CDH12: variants seen among roughly 807,000 people sequenced by gnomAD.
CDH12 encodes cadherin 12.
CDH12 carries 41 observed loss-of-function variants against 74.1 expected under a neutral mutation model. That is an observed-to-expected ratio of 0.55 (90% CI 0.43 to 0.72). The LOEUF (loss-of-function observed/expected upper bound fraction) is 0.72, where lower values mean the gene tolerates loss of function less well. Ranked by LOEUF, CDH12 falls within the 30% of genes least tolerant of loss-of-function variation. CDH12 has a pLI of 0.00. For synonymous variants in CDH12, 399 were observed against 355.0 expected (o/e 1.12, Z -1.39); for missense variants, 945 against 977.2 (o/e 0.97, Z 0.44).
At chr5:21,933,488 T>C (rs1754937361) in intron 6 of CDH12, among the ~76,000 whole-genome samples, 1 of 152,188 alleles carries the variant, frequency 6.6e-6, no homozygotes, top group Non-Finnish European at 1.5e-5. Flanking sequence ...AAATATTAAC[T>C]TGGGCATATC....
chr5:21,924,997 A>G (rs1254897831), intron 6 of CDH12, among the ~76,000 whole-genome samples: 1 of 152,234 alleles, frequency 6.6e-6, no homozygotes, highest in Non-Finnish European at 1.5e-5. Context: ...TCCAGAATTC[A>G]GATATCATTT....
At chr5:22,350,130 C>G (rs902827545) in intron 3 of CDH12, among the ~76,000 whole-genome samples, 2 of 151,980 alleles carry the variant, frequency 1.3e-5, no homozygotes, top group African/African-American at 4.8e-5. Flanking sequence ...TTAGTAACGA[C>G]TAAGAAAAAA....
chr5:22,206,641 G>A (rs1751232322), intron 4 of CDH12, among the ~76,000 whole-genome samples: 2 of 135,214 alleles, frequency 1.5e-5, no homozygotes, highest in South Asian at 4.7e-4. Context: ...CAAAATATAA[G>A]GTGTGGCTTG....
At chr5:22,235,839 T>A (rs1367127609) in intron 3 of CDH12, among the ~76,000 whole-genome samples, 1 of 152,168 alleles carries the variant, frequency 6.6e-6, no homozygotes, top group Non-Finnish European at 1.5e-5. Flanking sequence ...TTAGGCAATT[T>A]CTTCATTGGG....
chr5:22,444,467 A>G (rs1398610201), intron 2 of CDH12, among the ~76,000 whole-genome samples: 2 of 152,010 alleles, frequency 1.3e-5, no homozygotes, highest in Non-Finnish European at 2.9e-5. Context: ...TGAAAAGGCA[A>G]CTTGCCATCC....
chr5:22,402,278 A>G (rs544465708), intron 3 of CDH12, among the ~76,000 whole-genome samples: 1 of 152,342 alleles, frequency 6.6e-6, no homozygotes, highest in African/African-American at 2.4e-5. Context: ...GAAGTGAAGA[A>G]CACTGTAGAG....
At chr5:22,485,288 C>T (rs1016559723) in intron 2 of CDH12, among the ~76,000 whole-genome samples, 13 of 152,036 alleles carry the variant, frequency 8.6e-5, no homozygotes, top group African/African-American at 2.9e-4. Context: ...CTCAAGTGAT[C>T]CTCCCATCTC....
intron 3 of CDH12, among the ~76,000 whole-genome samples, chr5:22,384,020 G>C (rs1484545983): frequency 6.6e-6 from 1 of 151,954 alleles, no homozygotes; most frequent in East Asian, 1.9e-4. Context: ...TGTTAAATGG[G>C]TTTTGCTAGA....
At chr5:22,416,244 T>G (rs941619208) in intron 2 of CDH12, among the ~76,000 whole-genome samples, 4 of 150,698 alleles carry the variant, frequency 2.7e-5, no homozygotes, top group African/African-American at 7.3e-5. Context: ...CCGGCTAATT[T>G]TTTTGTATTT....
chr5:22,722,749 TG>T (rs1743965021), intron 1 of CDH12, among the ~76,000 whole-genome samples: 1 of 152,208 alleles, frequency 6.6e-6, no homozygotes, highest in African/African-American at 2.4e-5. Flanking sequence ...GGAAATTGTG[TG>T]TGCTTGCATA....
chr5:22,305,218 G>A (rs1738053826), intron 3 of CDH12, among the ~76,000 whole-genome samples: 1 of 152,080 alleles, frequency 6.6e-6, no homozygotes, highest in African/African-American at 2.4e-5. Flanking sequence ...TCCATCTGCA[G>A]GAGATAATCA....
intron 1 of CDH12, among the ~76,000 whole-genome samples, chr5:22,747,886 T>G (rs1345721582): frequency 6.6e-6 from 1 of 152,204 alleles, no homozygotes; most frequent in African/African-American, 2.4e-5. Flanking sequence ...AGGGTGTGCT[T>G]GCACTTTTCA....
intron 4 of CDH12, among the ~76,000 whole-genome samples, chr5:22,103,938 T>C (rs1049792610): frequency 2.0e-5 from 3 of 152,180 alleles, no homozygotes; most frequent in Admixed American, 6.5e-5. Context: ...TTTGTCAAGG[T>C]ACTCTATCGC....
chr5:21,810,060 A>G (rs1579745031), intron 9 of CDH12, among the ~76,000 whole-genome samples: 1 of 152,118 alleles, frequency 6.6e-6, no homozygotes, highest in South Asian at 2.1e-4. Flanking sequence ...CCATTGGTAG[A>G]CATCGCAATG....
At chr5:22,615,822 T>TATGGTGA (rs1328149886) in intron 1 of CDH12, among the ~76,000 whole-genome samples, 1 of 152,134 alleles carries the variant, frequency 6.6e-6, no homozygotes, top group Admixed American at 6.6e-5. Context: ...ATAATGAATG[T>TATGGTGA]ATGGTGAATG....
chr5:21,870,074 C>T (rs1363829651), intron 6 of CDH12, among the ~76,000 whole-genome samples: 1 of 152,164 alleles, frequency 6.6e-6, no homozygotes, highest in Non-Finnish European at 1.5e-5. Flanking sequence ...TTTGCGTCTT[C>T]CTCATTCTCT....
At chr5:22,740,634 T>C (rs183934497) in intron 1 of CDH12, among the ~76,000 whole-genome samples, 1 of 152,224 alleles carries the variant, frequency 6.6e-6, no homozygotes, top group East Asian at 1.9e-4. Flanking sequence ...ATTTACAACT[T>C]ATTCTAAATG....
At chr5:22,795,232 GA>G (rs1406795493) in intron 1 of CDH12, among the ~76,000 whole-genome samples, 1 of 152,140 alleles carries the variant, frequency 6.6e-6, no homozygotes, top group Non-Finnish European at 1.5e-5. Flanking sequence ...AATTGAGTAA[GA>G]AATAGTCATT....
chr5:22,409,096 G>A (rs1413644748), intron 2 of CDH12, among the ~76,000 whole-genome samples: 1 of 151,942 alleles, frequency 6.6e-6, no homozygotes, highest in Non-Finnish European at 1.5e-5. Context: ...ATATTTAAAG[G>A]TATCTTTTGT....
Sources: allele counts gnomAD v4.1 joint callset (sites outside exome capture counted in the v4.1 genomes callset), GRCh38; gene constraint gnomAD v4.1.1; transcripts MANE v1.5; gene names NCBI Gene and HGNC (gene_info 2026-07-23, HGNC 2026-07-21).